RGS7: variants seen among roughly 807,000 people sequenced by gnomAD.
The protein encoded by RGS7 is regulator of G protein signaling 7.
RGS7 carries 27 observed loss-of-function variants against 81.1 expected under a neutral mutation model. The ratio of observed to expected loss-of-function variants is 0.33; its 90% confidence interval spans 0.25 to 0.46. RGS7 has a LOEUF of 0.46. Among genes scored for constraint, RGS7 ranks in the 20% least tolerant of loss-of-function variants. The pLI, the probability that RGS7 is intolerant of heterozygous loss-of-function variation, is 1.00. For synonymous variants in RGS7, 208 were observed against 207.7 expected (o/e 1.00, Z -0.01); for missense variants, 396 against 607.4 (o/e 0.65, Z 3.66).
chr1:240,776,302 C>T, intron 18 of RGS7, 89 bp from the exon 19 acceptor site: 1 of 996,420 alleles, frequency 1.0e-6, no homozygotes, highest in Admixed American at 1.7e-5. Context: ...TTTACTGTAG[C>T]TGATTTTTGT....
rs1295076333 is a variant in RGS7 at position 240,800,621 on chromosome 1, A to G, written c.*6+20T>C. ...ACAGACAATGCAGACAAACTTGAGT[A>G]TAAACCAAGATTTTTCTACCTCTTT... On this transcript the variant is annotated intron_variant, in intron 18 of 18. Transcript: ENST00000440928. 2 of 1,493,814 alleles carry G rather than the reference A, an allele frequency of 1.3e-6. No homozygotes were observed. The highest frequency in any genetic ancestry group is 1.2e-5 in the South Asian group (1 of 82,048). The allele number at this position is 1,493,814 out of a possible 1,614,324, so 92.5% of individuals were successfully genotyped here.
chr1:240,802,336 G>A (rs1688159095), intron 16 of RGS7, among the ~76,000 whole-genome samples: 1 of 152,124 alleles, frequency 6.6e-6, no homozygotes, highest in Non-Finnish European at 1.5e-5. Context: ...GAATAATGAG[G>A]TCTACTACAA....
chr1:241,181,631 G>A (rs929978381), intron 2 of RGS7, among the ~76,000 whole-genome samples: 1 of 152,146 alleles, frequency 6.6e-6, no homozygotes, highest in African/African-American at 2.4e-5. Flanking sequence ...AAGAATGCTA[G>A]GAAGGAAGCA....
At chr1:240,785,852 CAT>C (rs1175254899) in intron 18 of RGS7, among the ~76,000 whole-genome samples, 5 of 152,148 alleles carry the variant, frequency 3.3e-5, no homozygotes, top group Admixed American at 1.3e-4. Flanking sequence ...TTTGCTGAAA[CAT>C]AGTGAATAAT....
intron 4 of RGS7, among the ~76,000 whole-genome samples, chr1:240,957,363 C>T (rs183651335): frequency 2.6e-4 from 39 of 152,330 alleles, no homozygotes; most frequent in Non-Finnish European, 5.3e-4. Context: ...GTCAGCTTCC[C>T]TCCTTTTGAG....
intron 4 of RGS7, among the ~76,000 whole-genome samples, chr1:240,977,674 T>C (rs1378018931): frequency 2.0e-5 from 3 of 152,206 alleles, no homozygotes; most frequent in Non-Finnish European, 4.4e-5. Flanking sequence ...CAGTACTAAG[T>C]AGAGAAGACT....
At chr1:241,028,616 A>G (rs1005633978) in intron 3 of RGS7, among the ~76,000 whole-genome samples, 1 of 152,170 alleles carries the variant, frequency 6.6e-6, no homozygotes, top group Non-Finnish European at 1.5e-5. Context: ...CAGCTGAAAG[A>G]TGCTGCTGAA....
rs1684307683 is a variant in RGS7, at chr1:240,977,453, A to T, written c.226+5626T>A. Among the ~76,000 whole-genome samples the T allele has an allele frequency of 3.3e-5, 5 of 152,330 alleles. No homozygotes were observed. In the South Asian group the frequency reaches 8.3e-4, roughly 25 times the overall value. On this transcript the variant is annotated intron_variant, in intron 4 of 18. Coordinates refer to ENST00000440928, the MANE Select transcript of RGS7 (RefSeq NM_001364886.1). The stretch of plus-strand genomic sequence containing the variant: ...ACACACGTAAATACATATCTTTTAG[A>T]TTCTTACTGATATGATTGAAAGGTA...
chr1:241,177,336 A>T (rs937425622), intron 2 of RGS7, among the ~76,000 whole-genome samples: 3 of 152,168 alleles, frequency 2.0e-5, no homozygotes, highest in African/African-American at 4.8e-5. Flanking sequence ...TTCAGCAAGT[A>T]TAAAAGCCTC....
chr1:241,010,089 C>T lies in RGS7; in HGVS notation c.176-26960G>A, dbSNP rs146936101. On this transcript the variant is annotated intron_variant, in intron 3 of 18. Transcript: ENST00000440928. ...TAGGAGAAACACCTAATGTAAATGACTAGTTGACGGGTGCAGAAAACCAAC... is the reference window on the plus strand; with the variant it reads ...TAGGAGAAACACCTAATGTAAATGATTAGTTGACGGGTGCAGAAAACCAAC... Among the ~76,000 whole-genome samples the T allele has an allele frequency of 8.9e-3, 1,348 of 152,238 alleles. 11 individuals are homozygous for T. Among genetic ancestry groups the T allele is most frequent in the Non-Finnish European group, 0.015 (1,010 of 68,026 alleles).
chr1:240,811,162 A>G (rs1248424310), intron 14 of RGS7, among the ~76,000 whole-genome samples: 1 of 152,226 alleles, frequency 6.6e-6, no homozygotes, highest in African/African-American at 2.4e-5. Flanking sequence ...GAAAAGTAAA[A>G]ATTGGGCATC....
chr1:241,309,555 A>G lies in RGS7; in HGVS notation c.78+46144T>C, dbSNP rs544265365. Among the ~76,000 whole-genome samples, 3 of 152,338 alleles carry G rather than the reference A, an allele frequency of 2.0e-5. No homozygotes were observed. In the East Asian group the frequency reaches 5.8e-4, roughly 29 times the overall value. On this transcript the variant is annotated intron_variant, in intron 2 of 18. Coordinates refer to ENST00000440928, the MANE Select transcript of RGS7 (RefSeq NM_001364886.1). ...TCAAGTGCCGTGGCATCTGGTGTTA[A>G]GATTCCAGGCATCTGACATTTGCCA...
chr1:240,945,123 G>C (rs554849292), intron 4 of RGS7, among the ~76,000 whole-genome samples: 42 of 152,304 alleles, frequency 2.8e-4, no homozygotes, highest in Non-Finnish European at 5.3e-4. Flanking sequence ...TAGAAGTTGT[G>C]GCAGAGCAGC....
At chr1:241,289,045 G>C (rs1233754719) in intron 2 of RGS7, among the ~76,000 whole-genome samples, 1 of 152,202 alleles carries the variant, frequency 6.6e-6, no homozygotes, top group South Asian at 2.1e-4. Context: ...CACTACTGCT[G>C]TTTTGGCTGT....
chr1:241,101,838 C>T (rs1000279559), intron 2 of RGS7, among the ~76,000 whole-genome samples: 2 of 152,218 alleles, frequency 1.3e-5, no homozygotes, highest in African/African-American at 2.4e-5. Context: ...CTCACACTTT[C>T]ATCTCAGCAC....
intron 3 of RGS7, among the ~76,000 whole-genome samples, chr1:241,012,435 A>G (rs923241348): frequency 6.6e-6 from 1 of 152,182 alleles, no homozygotes; most frequent in Non-Finnish European, 1.5e-5. Context: ...AGATGACAGT[A>G]AGTCACCAGA....
rs796946397 is a variant in RGS7 at position 241,314,760 on chromosome 1, A to T, written c.78+40939T>A. Among the ~76,000 whole-genome samples the T allele has an allele frequency of 2.6e-5, 4 of 152,186 alleles. No individual in the cohort carries two copies. The South Asian group carries it at 8.3e-4, about 32-fold the overall frequency. Reference sequence around the variant, plus strand: ...GTGGTCGGGCCCAGACACCATCGGAATTTGTAGGCCAAAGGAAGGGGAATT... The same window carrying T: ...GTGGTCGGGCCCAGACACCATCGGATTTTGTAGGCCAAAGGAAGGGGAATT... On this transcript the variant is annotated intron_variant, in intron 2 of 18. Transcript: ENST00000440928.
At chr1:241,218,847 A>AC (rs1470379096) in intron 2 of RGS7, among the ~76,000 whole-genome samples, 1 of 151,942 alleles carries the variant, frequency 6.6e-6, no homozygotes, top group Admixed American at 6.6e-5. Context: ...ATGGGGTTTC[A>AC]CTATGCTGGC....
chr1:241,131,300 A>G (rs2067079152), intron 2 of RGS7, among the ~76,000 whole-genome samples: 1 of 152,228 alleles, frequency 6.6e-6, no homozygotes, highest in Non-Finnish European at 1.5e-5. Context: ...GAATCTAATC[A>G]TTAAGATGAG....
Sources: gnomAD v4.1 joint callset for allele counts (sites outside exome capture counted in the v4.1 genomes callset) on GRCh38, gnomAD v4.1.1 for gene constraint, MANE v1.5 for transcripts, NCBI Gene and HGNC (gene_info 2026-07-23, HGNC 2026-07-21) for gene names.